Variants in GRM8 observed in about 807,000 individuals in gnomAD.
GRM8 encodes the protein glutamate metabotropic receptor 8, also known as metabotropic glutamate receptor 8.
A neutral mutation model predicts 87.2 loss-of-function variants in GRM8; 47 were observed. The ratio of observed to expected loss-of-function variants is 0.54; its 90% CI spans 0.43 to 0.69. The LOEUF is 0.69. GRM8 is among the 30% of genes least tolerant of loss of function. The probability of loss-of-function intolerance (pLI) is 0.00; values close to 1 mark genes in which losing one functional copy is unlikely to be tolerated. For missense variants in GRM8, 1,019 were observed against 1,139.2 expected (o/e 0.89, Z 1.52); for synonymous variants, 396 against 404.5 (o/e 0.98, Z 0.25).
chr7:127,198,037 T>G (rs1795385101), intron 2 of GRM8, among the ~76,000 whole-genome samples: 1 of 152,238 alleles, frequency 6.6e-6, no homozygotes, highest in Admixed American at 6.5e-5. Context: ...TTGTCTTTGA[T>G]TCTTGATTAT....
chr7:127,249,518 T>C (rs1428565614), intron 1 of GRM8, among the ~76,000 whole-genome samples: 4 of 152,128 alleles, frequency 2.6e-5, no homozygotes, highest in Non-Finnish European at 5.9e-5. Context: ...ACAGTACCTC[T>C]CAAATCATTC....
At chr7:127,045,450 C>A (rs1057038087) in intron 3 of GRM8, among the ~76,000 whole-genome samples, 2 of 151,968 alleles carry the variant, frequency 1.3e-5, no homozygotes, top group Non-Finnish European at 2.9e-5. Context: ...CAGTCTAATC[C>A]GTTATTTTTT....
intron 2 of GRM8, among the ~76,000 whole-genome samples, chr7:127,226,624 G>T (rs1797342184): frequency 6.6e-6 from 1 of 152,126 alleles, no homozygotes. Flanking sequence ...CAGGAAGGTT[G>T]CAAAAAAATT....
intron 7 of GRM8, among the ~76,000 whole-genome samples, chr7:126,710,860 T>C (rs574134314): frequency 1.3e-5 from 2 of 152,360 alleles, no homozygotes; most frequent in African/African-American, 4.8e-5. Flanking sequence ...TCACAATCTA[T>C]GGCAGCTATA....
rs964929585 is a variant in GRM8 at position 126,971,377 on chromosome 7, C to T, written c.728-66694G>A. Among the ~76,000 whole-genome samples the T allele has an allele frequency of 3.3e-5, 5 of 152,096 alleles. No homozygotes were observed. The South Asian group carries it at 8.3e-4, about 25-fold the overall frequency. On this transcript the variant is annotated intron_variant, in intron 3 of 10. Transcript: ENST00000339582. Reference sequence around the variant, plus strand: ...AACAATGGTAAAAACATGTTGAACTCTATCCTTGCATTAGGCTTTGCTAAC... The same window carrying T: ...AACAATGGTAAAAACATGTTGAACTTTATCCTTGCATTAGGCTTTGCTAAC...
chr7:126,681,163 C>T (rs903409200), intron 7 of GRM8, among the ~76,000 whole-genome samples: 1 of 152,188 alleles, frequency 6.6e-6, no homozygotes, highest in African/African-American at 2.4e-5. Context: ...TCTGCATACT[C>T]ATTCTTGCCC....
chr7:126,835,293 G>A lies in GRM8; in HGVS notation c.1157-65228C>T, dbSNP rs558924173. On this transcript the variant is annotated intron_variant, in intron 6 of 10. Coordinates refer to ENST00000339582, the MANE Select transcript of GRM8 (RefSeq NM_000845.3). ...TAAGCTATTTCCATACTGGATTTATGCAAGCTATGTTTTACTAAAAGAATA... is the reference window on the plus strand; with the variant it reads ...TAAGCTATTTCCATACTGGATTTATACAAGCTATGTTTTACTAAAAGAATA... 2.0e-5 allele frequency among the ~76,000 whole-genome samples: 3 copies of A among 152,168 alleles called. No individual in the cohort carries two copies. In the East Asian group the frequency reaches 5.8e-4, roughly 29 times the overall value.
chr7:126,592,112 G>A (rs1796727165), intron 8 of GRM8, among the ~76,000 whole-genome samples: 1 of 149,152 alleles, frequency 6.7e-6, no homozygotes, highest in Non-Finnish European at 1.5e-5. Context: ...GACCAATAAT[G>A]AGTAAGGAGA....
chr7:127,242,789 G>A lies in GRM8; in HGVS notation c.416C>T (p.Pro139Leu). ...SDVKCANGDP[P>L]IFTKPDKISG... ...AATCTTGTCGGGCTTGGTGAAAATGGGTGGATCTCCATTAGCACACTTCAC... is the reference window on the plus strand; with the variant it reads ...AATCTTGTCGGGCTTGGTGAAAATGAGTGGATCTCCATTAGCACACTTCAC... The change falls in exon 2 of 11, where the codon CCC (proline) becomes CTC (leucine). Residue 139 changes from proline to leucine, a missense_variant. Transcript: ENST00000339582. The A allele has an allele frequency of 6.2e-7, 1 of 1,614,036 alleles. No homozygotes were observed. The highest frequency in any genetic ancestry group is 2.2e-5 in the East Asian group (1 of 44,880).
chr7:126,915,086 C>G (rs999824415), intron 3 of GRM8, among the ~76,000 whole-genome samples: 1 of 152,146 alleles, frequency 6.6e-6, no homozygotes, highest in Non-Finnish European at 1.5e-5. Context: ...ACGCTGGGCT[C>G]TCACTCAGCC....
At chr7:126,551,587 G>C (rs1429087579) in intron 8 of GRM8, among the ~76,000 whole-genome samples, 2 of 152,076 alleles carry the variant, frequency 1.3e-5, no homozygotes, top group East Asian at 3.9e-4. Flanking sequence ...AGCTCATCAT[G>C]TCTACAAATG....
intron 7 of GRM8, among the ~76,000 whole-genome samples, chr7:126,708,319 A>T (rs1477072834): frequency 6.6e-6 from 1 of 152,082 alleles, no homozygotes; most frequent in Non-Finnish European, 1.5e-5. Context: ...AACAGTAGGG[A>T]GGTTTCTCAA....
intron 7 of GRM8, among the ~76,000 whole-genome samples, chr7:126,620,402 G>C (rs1290347357): frequency 6.6e-6 from 1 of 152,102 alleles, no homozygotes; most frequent in Non-Finnish European, 1.5e-5. Flanking sequence ...ACATCTCCTT[G>C]AATATTTTCT....
chr7:126,936,331 T>C (rs1806316255), intron 3 of GRM8, among the ~76,000 whole-genome samples: 1 of 152,206 alleles, frequency 6.6e-6, no homozygotes, highest in Non-Finnish European at 1.5e-5. Context: ...TCACTTTTCA[T>C]GATGGATAGG....
At chr7:126,971,359 G>GT (rs1810413137) in intron 3 of GRM8, among the ~76,000 whole-genome samples, 1 of 151,980 alleles carries the variant, frequency 6.6e-6, no homozygotes, top group South Asian at 2.1e-4. Context: ...AATAACAATG[G>GT]TAAAAACATG....
chr7:126,902,778 G>A, intron 5 of GRM8, 99 bp from the exon 6 acceptor site: 3 of 784,284 alleles, frequency 3.8e-6, no homozygotes, highest in Non-Finnish European at 5.8e-6. Context: ...TGCATGAAAA[G>A]AAAAAAACAA....
chr7:127,222,856 A>C (rs540338513), intron 2 of GRM8, among the ~76,000 whole-genome samples: 2 of 152,272 alleles, frequency 1.3e-5, no homozygotes, highest in African/African-American at 4.8e-5. Context: ...CCACAAAGCA[A>C]GTGACTGGGC....
intron 2 of GRM8, among the ~76,000 whole-genome samples, chr7:127,200,708 A>G (rs1795539889): frequency 6.6e-6 from 1 of 152,142 alleles, no homozygotes. Flanking sequence ...CCATCTTCAC[A>G]TGGCTTTCGC....
chr7:127,155,516 G>A (rs1204293693), intron 2 of GRM8, among the ~76,000 whole-genome samples: 4 of 152,160 alleles, frequency 2.6e-5, no homozygotes, highest in South Asian at 2.1e-4. Flanking sequence ...CATGCTGAAT[G>A]TCTTTCTAAA....
Sources: gnomAD v4.1 joint callset for allele counts (sites outside exome capture counted in the v4.1 genomes callset) on GRCh38, gnomAD v4.1.1 for gene constraint, MANE v1.5 for transcripts, NCBI Gene and HGNC (gene_info 2026-07-23, HGNC 2026-07-21) for gene names.